RGS20: variants seen among roughly 807,000 people sequenced by gnomAD.
RGS20 encodes regulator of G protein signaling 20.
Under a neutral mutation model 33.6 loss-of-function variants are expected in RGS20, and 30 were observed. That is an observed-to-expected ratio of 0.89 (90% CI 0.67 to 1.21). The LOEUF (loss-of-function observed/expected upper bound fraction) is 1.21. Among genes scored for constraint, RGS20 ranks in the 50% most tolerant of loss-of-function variants. RGS20 has a pLI of 0.00. For synonymous variants in RGS20, 208 were observed against 197.9 expected, an observed-to-expected ratio of 1.05 and a Z score of -0.43; for missense variants, 472 against 502.4, an observed-to-expected ratio of 0.94 and a Z score of 0.58.
intron 4 of RGS20, among the ~76,000 whole-genome samples, chr8:53,953,766 T>C (rs1814779751): frequency 6.6e-6 from 1 of 152,308 alleles, no homozygotes; most frequent in Non-Finnish European, 1.5e-5. Flanking sequence ...GGATTTTTCT[T>C]TACATTTACA....
At chr8:53,859,364 C>T (rs916104528) in intron 1 of RGS20, among the ~76,000 whole-genome samples, 7 of 152,084 alleles carry the variant, frequency 4.6e-5, no homozygotes, top group African/African-American at 1.4e-4. Flanking sequence ...CTGCAAAAAT[C>T]CTGGCTAGCT....
intron 1 of RGS20, among the ~76,000 whole-genome samples, chr8:53,875,429 CA>C (rs755991643): frequency 0.053 from 2,953 of 55,708 alleles, 23 homozygotes; most frequent in Non-Finnish European, 0.072. Flanking sequence ...AAGACTCTGT[CA>C]AAAAAAAAAA....
chr8:53,861,244 G>A (rs1394726564), intron 1 of RGS20, among the ~76,000 whole-genome samples: 1 of 152,164 alleles, frequency 6.6e-6, no homozygotes, highest in Non-Finnish European at 1.5e-5. Context: ...ATTCTGCAAA[G>A]TATCTGTGGA....
At position 53,916,077 on chromosome 8, in the gene RGS20, C is replaced by T. The variant is rs183304765; in HGVS notation, c.511-23499C>T. ...CTCACTCTGTTGCCCAAGCTAACTGCGGTGGTATGACCACAGCTCACTGCA... is the reference window on the plus strand; with the variant it reads ...CTCACTCTGTTGCCCAAGCTAACTGTGGTGGTATGACCACAGCTCACTGCA... On this transcript the variant is annotated intron_variant, in intron 2 of 5. Transcript: ENST00000297313. 7.2e-5 allele frequency among the ~76,000 whole-genome samples: 11 copies of T among 152,252 alleles called. No individual in the cohort carries two copies. The South Asian group carries it at 1.0e-3, about 14-fold the overall frequency.
chr8:53,868,851 C>G (rs1486670757), intron 1 of RGS20, among the ~76,000 whole-genome samples: 1 of 152,000 alleles, frequency 6.6e-6, no homozygotes, highest in Non-Finnish European at 1.5e-5. Context: ...CTCCCAGGTT[C>G]AAGCAATTAT....
intron 1 of RGS20, among the ~76,000 whole-genome samples, chr8:53,855,069 CT>C (rs915809743): frequency 2.6e-5 from 4 of 151,724 alleles, no homozygotes; most frequent in African/African-American, 4.8e-5. Flanking sequence ...ATAAGCCACT[CT>C]TTTTTTTTCT....
At chr8:53,900,588 T>A (rs1316178558) in intron 2 of RGS20, among the ~76,000 whole-genome samples, 1 of 151,940 alleles carries the variant, frequency 6.6e-6, no homozygotes, top group Non-Finnish European at 1.5e-5. Context: ...GGCACCAGAG[T>A]AGCACCTAGT....
intron 1 of RGS20, among the ~76,000 whole-genome samples, chr8:53,873,334 A>C (rs778429685): frequency 6.6e-6 from 1 of 152,206 alleles, no homozygotes; most frequent in Non-Finnish European, 1.5e-5. Flanking sequence ...GCAATGCAAG[A>C]ATGGCCTGAT....
intron 2 of RGS20, among the ~76,000 whole-genome samples, chr8:53,895,072 A>G (rs1431682433): frequency 1.3e-5 from 2 of 152,266 alleles, no homozygotes; most frequent in East Asian, 3.9e-4. Flanking sequence ...CCATCGAGAC[A>G]AGAGATGGGG....
chr8:53,908,509 A>G (rs1254714983), intron 2 of RGS20, among the ~76,000 whole-genome samples: 1 of 152,118 alleles, frequency 6.6e-6, no homozygotes, highest in Non-Finnish European at 1.5e-5. Flanking sequence ...GCATAGTGGC[A>G]GGTGCCTGTA....
At chr8:53,957,353 C>T (rs959756829) in intron 5 of RGS20, among the ~76,000 whole-genome samples, 12 of 152,332 alleles carry the variant, frequency 7.9e-5, no homozygotes, top group Admixed American at 5.9e-4. Context: ...GTTTCGAACT[C>T]CACAGCGCTG....
chr8:53,909,229 A>T (rs1487256349), intron 2 of RGS20, among the ~76,000 whole-genome samples: 1 of 126,104 alleles, frequency 7.9e-6, no homozygotes, highest in African/African-American at 3.2e-5. Flanking sequence ...ATATATATAT[A>T]TATATATATA....
intron 2 of RGS20, among the ~76,000 whole-genome samples, chr8:53,891,827 T>G (rs1367060796): frequency 6.6e-6 from 1 of 152,098 alleles, no homozygotes; most frequent in Non-Finnish European, 1.5e-5. Flanking sequence ...GTTATAATTT[T>G]TGCAACTTTT....
intron 1 of RGS20, among the ~76,000 whole-genome samples, chr8:53,867,513 T>G (rs1365915372): frequency 6.6e-6 from 1 of 152,212 alleles, no homozygotes; most frequent in Non-Finnish European, 1.5e-5. Flanking sequence ...CTGGCATTAC[T>G]TGACGCAGAT....
intron 2 of RGS20, among the ~76,000 whole-genome samples, chr8:53,899,314 C>G (rs1208633594): frequency 6.6e-6 from 1 of 152,148 alleles, no homozygotes; most frequent in African/African-American, 2.4e-5. Flanking sequence ...AACGACTTAG[C>G]CAACAGCAGC....
intron 2 of RGS20, among the ~76,000 whole-genome samples, chr8:53,913,149 A>G (rs1358002078): frequency 1.3e-5 from 2 of 152,092 alleles, no homozygotes; most frequent in Non-Finnish European, 2.9e-5. Flanking sequence ...TATTTTTGGT[A>G]GAGATGGGGT....
intron 4 of RGS20, among the ~76,000 whole-genome samples, chr8:53,947,423 CTA>C (rs1361145497): frequency 1.5e-5 from 2 of 132,724 alleles, no homozygotes; most frequent in Non-Finnish European, 3.1e-5. Flanking sequence ...TTTATATATG[CTA>C]TATATGATAT....
intron 2 of RGS20, among the ~76,000 whole-genome samples, chr8:53,902,604 C>T (rs369265662): frequency 5.9e-4 from 90 of 152,324 alleles, no homozygotes; most frequent in African/African-American, 2.0e-3. Context: ...GATGTGCATG[C>T]CATTCCCTGT....
chr8:53,881,215 G>A, intron 2 of RGS20, 131 bp downstream of exon 1: 1 of 652,404 alleles, frequency 1.5e-6, no homozygotes, highest in Non-Finnish European at 2.4e-6. Flanking sequence ...GTTGCTGCGG[G>A]GCGGGAGCCG....
Sources: gnomAD v4.1 joint callset for allele counts (sites outside exome capture counted in the v4.1 genomes callset) on GRCh38, gnomAD v4.1.1 for gene constraint, MANE v1.5 for transcripts, NCBI Gene and HGNC (gene_info 2026-07-23, HGNC 2026-07-21) for gene names.